Variants in PDE8B observed in about 807,000 individuals in gnomAD.
The protein encoded by PDE8B is phosphodiesterase 8B.
Under a neutral mutation model 101.3 loss-of-function variants are expected in PDE8B, and 26 were observed. The observed-to-expected ratio is 0.26, with a 90% confidence interval of 0.19 to 0.36. PDE8B has a LOEUF of 0.36. PDE8B is among the 10% of genes least tolerant of loss of function. The pLI, the probability that PDE8B is intolerant of heterozygous loss-of-function variation, is 1.00. For synonymous variants in PDE8B, 424 were observed against 429.3 expected (o/e 0.99, Z 0.15); for missense variants, 810 against 1,163.1 (o/e 0.70, Z 4.42).
At chr5:77,354,773 C>T (rs1359021283) in intron 10 of PDE8B, among the ~76,000 whole-genome samples, 1 of 152,206 alleles carries the variant, frequency 6.6e-6, no homozygotes, top group Non-Finnish European at 1.5e-5. Context: ...TTCTTTCTCA[C>T]TTAATGACAG....
intron 9 of PDE8B, among the ~76,000 whole-genome samples, chr5:77,352,376 G>A (rs1456573729): frequency 6.6e-6 from 1 of 152,230 alleles, no homozygotes; most frequent in Non-Finnish European, 1.5e-5. Context: ...GGCAACCAAA[G>A]CAGAGGAGAC....
At chr5:77,208,126 G>T (rs138654536), upstream of PDE8B, among the ~76,000 whole-genome samples, 2 of 152,236 alleles carry the variant, frequency 1.3e-5, no homozygotes, top group African/African-American at 4.8e-5. Flanking sequence ...ACCTAAATTT[G>T]TTTCTGGGTG....
intron 1 of PDE8B, among the ~76,000 whole-genome samples, chr5:77,267,382 G>C (rs1761942754): frequency 6.6e-6 from 1 of 151,346 alleles, no homozygotes; most frequent in African/African-American, 2.4e-5. Context: ...GGAGGTCGCA[G>C]TAAGCCAAGA....
chr5:77,349,287 G>C (rs1182104871), intron 7 of PDE8B, 132 bp from the exon 8 acceptor site: 3 of 1,192,744 alleles, frequency 2.5e-6, no homozygotes, highest in Non-Finnish European at 3.7e-6. Context: ...CTGCATTAGA[G>C]AATGTTTGCC....
chr5:77,285,364 G>A (rs186423038), intron 1 of PDE8B, among the ~76,000 whole-genome samples: 1 of 152,018 alleles, frequency 6.6e-6, no homozygotes, highest in Non-Finnish European at 1.5e-5. Context: ...TTCTTATAAC[G>A]AAGATCTGTG....
At chr5:77,175,023 C>T in the PDE8B span, among the ~76,000 whole-genome samples, 1 of 152,180 alleles carries the variant, frequency 6.6e-6, no homozygotes, top group Admixed American at 6.5e-5. Flanking sequence ...ACTGCCCACC[C>T]ATTAGCTCAG....
intron 3 of PDE8B, 40 bp from the exon 4 acceptor site, chr5:77,328,958 C>T (rs757821773): frequency 6.5e-7 from 1 of 1,534,478 alleles, no homozygotes; most frequent in Non-Finnish European, 9.0e-7. Context: ...TGTAACAAAG[C>T]CCAGATCACC....
chr5:77,310,155 T>A (rs1160726396), intron 1 of PDE8B, among the ~76,000 whole-genome samples: 1 of 152,110 alleles, frequency 6.6e-6, no homozygotes, highest in East Asian at 1.9e-4. Flanking sequence ...TTCACCATGT[T>A]GGCTAGGCTG....
At chr5:77,189,559 A>T in the PDE8B span, among the ~76,000 whole-genome samples, 1 of 152,116 alleles carries the variant, frequency 6.6e-6, no homozygotes, top group African/African-American at 2.4e-5. Flanking sequence ...TATTTGTGAA[A>T]TTTTTTGGAT....
intron 10 of PDE8B, among the ~76,000 whole-genome samples, chr5:77,363,070 A>G (rs992278930): frequency 3.3e-5 from 5 of 152,310 alleles, no homozygotes; most frequent in Non-Finnish European, 5.9e-5. Context: ...TAGTAATCCA[A>G]GTAAGATGTC....
intron 1 of PDE8B, among the ~76,000 whole-genome samples, chr5:77,308,813 T>A (rs1280228006): frequency 6.6e-6 from 1 of 152,152 alleles, no homozygotes; most frequent in Admixed American, 6.5e-5. Context: ...AAAAGTCGCC[T>A]GCCCTTCCCC....
chr5:77,093,014 G>T, the PDE8B span, among the ~76,000 whole-genome samples: 1 of 152,158 alleles, frequency 6.6e-6, no homozygotes, highest in Non-Finnish European at 1.5e-5. Flanking sequence ...ACACTGTTCT[G>T]GTGCATCCCA....
chr5:77,157,139 G>A, the PDE8B span, among the ~76,000 whole-genome samples: 2 of 152,070 alleles, frequency 1.3e-5, no homozygotes, highest in African/African-American at 2.4e-5. Flanking sequence ...CTGTCTCACT[G>A]TCTCCTGGTT....
At chr5:77,204,050 G>GTTTTTTTTTT in the PDE8B span, among the ~76,000 whole-genome samples, 1 of 113,620 alleles carries the variant, frequency 8.8e-6, no homozygotes, top group Non-Finnish European at 1.7e-5. Context: ...TGTACCCTTA[G>GTTTTTTTTTT]TTTTTTTTTT....
In PDE8B at chr5:77,425,802, G is replaced by C; in HGVS notation, c.2454G>C (p.Val818=). 1 of 1,612,930 alleles carries C rather than the reference G, an allele frequency of 6.2e-7. No individual in the cohort carries two copies. Among genetic ancestry groups the C allele is most frequent in the Non-Finnish European group, 8.5e-7 (1 of 1,178,882 alleles). ...DEEKRQGLPV[V]MPVFDRNTCS... is the part of the protein sequence containing the mutation. Reference sequence around the variant, plus strand: ...AGAAGAGACAGGGACTACCTGTGGTGATGCCAGTGTTTGACCGGAATACCT... The same window carrying C: ...AGAAGAGACAGGGACTACCTGTGGTCATGCCAGTGTTTGACCGGAATACCT... The change falls in exon 21 of 22, where the codon GTG becomes GTC. Residue 818 remains valine (V), a synonymous_variant. Transcript: ENST00000264917.
At chr5:77,416,222 G>A (rs773738476) in intron 17 of PDE8B, among the ~76,000 whole-genome samples, 1 of 152,144 alleles carries the variant, frequency 6.6e-6, no homozygotes, top group South Asian at 2.1e-4. Context: ...GGAAGGAAAG[G>A]CATGTTTCAT....
chr5:77,193,002 AT>A, the PDE8B span, among the ~76,000 whole-genome samples: 1 of 152,036 alleles, frequency 6.6e-6, no homozygotes, highest in African/African-American at 2.4e-5. Flanking sequence ...TCTGCTCTAA[AT>A]ATTTTGCCCA....
intron 1 of PDE8B, among the ~76,000 whole-genome samples, chr5:77,247,619 C>A (rs1185702344): frequency 2.2e-4 from 33 of 152,110 alleles, no homozygotes; most frequent in Non-Finnish European, 2.9e-5. Flanking sequence ...GCACACATCA[C>A]CCTTCATCCT....
chr5:77,134,109 AC>A, the PDE8B span, among the ~76,000 whole-genome samples: 2 of 152,136 alleles, frequency 1.3e-5, no homozygotes, highest in African/African-American at 4.8e-5. Context: ...TAGGACAATG[AC>A]CATGGGATCC....
Sources: gnomAD v4.1 joint callset for allele counts (sites outside exome capture counted in the v4.1 genomes callset) on GRCh38, gnomAD v4.1.1 for gene constraint, MANE v1.5 for transcripts, NCBI Gene and HGNC (gene_info 2026-07-23, HGNC 2026-07-21) for gene names.